The following FLNC variants were observed in gnomAD, a reference collection of about 807,000 sequenced individuals.
FLNC encodes filamin-C.
Under a neutral mutation model 254.3 loss-of-function variants are expected in FLNC, and 91 were observed. The observed-to-expected ratio is 0.36, with a 90% CI of 0.30 to 0.43. The LOEUF is 0.43. Among genes scored for constraint, FLNC ranks in the 20% least tolerant of loss-of-function variants. The probability of loss-of-function intolerance (pLI) is 1.00; values close to 1 mark genes in which losing one functional copy is unlikely to be tolerated. For synonymous variants in FLNC, 1,430 were observed against 1,577.2 expected (o/e 0.91, Z 2.21); for missense variants, 2,853 against 3,802.6 (o/e 0.75, Z 6.57).
Position 128,835,433 on chromosome 7 carries a change from G to A in FLNC, c.460G>A (p.Glu154Lys). ...SMPMWEDEDD[E>K]DARKQTPKQR... is the part of the protein sequence containing the mutation. ...GCCCATGTGGGAGGATGAAGATGAT[G>A]AGGATGCCCGCAAACAGACGCCCAA... The change falls in exon 2 of 48, where the codon GAG becomes AAG. Residue 154 changes from glutamate to lysine, a missense_variant. Around this residue, in one of 10 missense-constraint regions of FLNC, gnomAD observed 115 missense variants for 230.3 expected, o/e 0.50. Transcript: ENST00000325888. This position sits in a 1 kb window ranked among gnomAD's most constrained non-coding sequence, Gnocchi z 5.3. The A allele has an allele frequency of 3.1e-6, 5 of 1,614,128 alleles. No homozygotes were observed. Among genetic ancestry groups the A allele is most frequent in the African/African-American group, 1.3e-5 (1 of 75,048 alleles).
At position 128,854,139 on chromosome 7, in the gene FLNC, C is replaced by T. The variant is rs1236384205; in HGVS notation, c.6650C>T (p.Pro2217Leu). 1.2e-6 allele frequency: 2 copies of T among 1,612,668 alleles called. No individual in the cohort carries two copies. Among genetic ancestry groups the T allele is most frequent in the Admixed American group, 1.7e-5 (1 of 59,998 alleles). ...VEESTQVGGDPFPAVFGDFLG... is the reference protein window; with the variant it reads ...VEESTQVGGDLFPAVFGDFLG... Reference sequence around the variant, plus strand: ...GAGTCCACCCAGGTCGGCGGGGACCCCTTCCCTGCTGTGTTTGGGGACTTC... The same window carrying T: ...GAGTCCACCCAGGTCGGCGGGGACCTCTTCCCTGCTGTGTTTGGGGACTTC... Residue 2217 changes from proline to leucine, a missense_variant, in exon 40 of 48, where the codon CCC becomes CTC. By Grantham distance (98) the Pro-to-Leu change is moderately conservative. Transcript: ENST00000325888.
rs1808047193 is a variant in FLNC, at chr7:128,835,188, G to A, written c.353-138G>A. 8.9e-7 allele frequency: 1 copy of A among 1,128,490 alleles called. No individual in the cohort carries two copies. The highest frequency in any genetic ancestry group is 1.3e-6 in the Non-Finnish European group (1 of 765,766). 69.9% of individuals were successfully genotyped at this position (1,128,490 alleles called of 1,614,324 possible). On this transcript the variant is annotated intron_variant, in intron 1 of 47. Transcript: ENST00000325888. The surrounding 1 kb of genome is among the most constrained non-coding windows in gnomAD (Gnocchi z 5.3). ...GGCATCTGAGTGGGGCCTCGCAGGA[G>A]GGAGAGGGTCAGGTAGGCAGAGACT...
Position 128,838,820 on chromosome 7 carries a change from G to A in FLNC, c.1411+17G>A. The A allele has an allele frequency of 6.2e-7, 1 of 1,609,080 alleles. No homozygotes were observed. Among genetic ancestry groups the A allele is most frequent in the South Asian group, 1.1e-5 (1 of 90,990 alleles). The stretch of plus-strand genomic sequence containing the variant: ...TGTCGGAAGGTAAGGGCCCTTCACT[G>A]CTCCCCACGGTAGCCCTTACCAAAG... On this transcript the variant is annotated intron_variant, in intron 8 of 47. Coordinates refer to ENST00000325888, the MANE Select transcript of FLNC (RefSeq NM_001458.5).
Position 128,848,064 on chromosome 7 carries a change from C to G in FLNC, c.4576C>G (p.Arg1526Gly), listed in dbSNP as rs746275035. The change falls in exon 26 of 48, where the codon CGC (arginine) becomes GGC (glycine). Residue 1526 changes from arginine (R) to glycine (G), a missense_variant. This residue lies in a region of FLNC where 1,573 missense variants were observed against 1,883.5 expected (regional missense o/e 0.84). Coordinates refer to ENST00000325888, the MANE Select transcript of FLNC (RefSeq NM_001458.5). ...CAAGTATGCTGACCAGGAGGTGCCA[C>G]GCAGGTGAGGACCAGCCCTGGGCTC... ...AVKYADQEVPRSPFKIKVLPA... is the reference protein window; with the variant it reads ...AVKYADQEVPGSPFKIKVLPA... 6 of 1,603,228 alleles carry G rather than the reference C, an allele frequency of 3.7e-6. No individual in the cohort carries two copies. Among genetic ancestry groups the G allele is most frequent in the East Asian group, 2.3e-5 (1 of 44,232 alleles).
At chr7:128,848,762 A>G (rs375695827) in intron 27 of FLNC, 31 bp from the exon 28 acceptor site, 183 of 1,614,016 alleles carry the variant, frequency 1.1e-4, no homozygotes, top group Non-Finnish European at 1.5e-4. Context: ...CTCCAGGCAC[A>G]GGCGGGCCTT....
rs754776339 is a variant in FLNC, at chr7:128,838,809, G to C, written c.1411+6G>C. The stretch of plus-strand genomic sequence containing the variant: ...CCCTGTCCATGTGTCGGAAGGTAAG[G>C]GCCCTTCACTGCTCCCCACGGTAGC... On this transcript the variant is annotated splice_donor_region_variant and intron_variant, in intron 8 of 47. Transcript: ENST00000325888. 1 of 1,612,026 alleles carries C rather than the reference G, an allele frequency of 6.2e-7. No individual in the cohort carries two copies. Among genetic ancestry groups the C allele is most frequent in the Non-Finnish European group, 8.5e-7 (1 of 1,179,436 alleles).
At chr7:128,853,313 C>T (rs774260343) in intron 37 of FLNC, 156 bp from the exon 38 acceptor site, 180 of 912,700 alleles carry the variant, frequency 2.0e-4, no homozygotes, top group Non-Finnish European at 2.9e-4. Context: ...CCGCCTGTCC[C>T]GTGGTGCCCC....
chr7:128,838,064 G>A lies in FLNC; in HGVS notation c.1047G>A (p.Lys349=). The A allele has an allele frequency of 6.2e-7, 1 of 1,612,808 alleles. No homozygotes were observed. Among genetic ancestry groups the A allele is most frequent in the Non-Finnish European group, 8.5e-7 (1 of 1,178,986 alleles). The change falls in exon 6 of 48, where the codon AAG becomes AAA. Residue 349 remains lysine (K), a splice_region_variant and synonymous_variant. Transcript: ENST00000325888. ...TGCCCAAGGTCGCTGGGTTACACAA[G>A]GTATCTCCCTCTAGGCCCCCCTGCC... The part of the protein sequence containing the change: ...SYVPKVAGLH[K]VTVLFAGQNI...
chr7:128,830,519 T>G lies in FLNC; in HGVS notation c.-119T>G. ...CCCGCCAGCCCCGGCGCGAGAGAAG[T>G]TGGAGAGGAGAGCAGCGCAGCGCAG... On this transcript the variant is annotated 5_prime_UTR_variant, in exon 1 of 48. Coordinates refer to ENST00000325888, the MANE Select transcript of FLNC (RefSeq NM_001458.5). The G allele has an allele frequency of 1.2e-6, 1 of 848,490 alleles. No individual in the cohort carries two copies. The highest frequency in any genetic ancestry group is 1.9e-6 in the Non-Finnish European group (1 of 540,278). 52.6% of individuals were successfully genotyped at this position (848,490 alleles called of 1,614,324 possible).
chr7:128,851,555 T>C lies in FLNC; in HGVS notation c.5769T>C (p.Pro1923=). ...CCGTGTCCTATCTGCCGACTGCGCC[T>C]GGAGACTACAGCATCATCGTGCGCT... ...TCTVSYLPTA[P]GDYSIIVRFD... is the part of the protein sequence containing the mutation. The change falls in exon 35 of 48, where the codon CCT becomes CCC. Residue 1923 remains proline (P), a synonymous_variant. Transcript: ENST00000325888. 1 of 1,614,004 alleles carries C rather than the reference T, an allele frequency of 6.2e-7. No individual in the cohort carries two copies. Among genetic ancestry groups the C allele is most frequent in the East Asian group, 2.2e-5 (1 of 44,876 alleles).
At chr7:128,844,352 C>T in intron 20 of FLNC, 86 bp downstream of exon 20, 1 of 1,461,290 alleles carries the variant, frequency 6.8e-7, no homozygotes, top group Admixed American at 2.2e-5. Flanking sequence ...GCCAGAGGGA[C>T]TTATGTGCCT....
At chr7:128,855,170 A>G in intron 42 of FLNC, 29 bp from the exon 43 acceptor site, 1 of 1,502,484 alleles carries the variant, frequency 6.7e-7, no homozygotes, top group Non-Finnish European at 9.3e-7. Flanking sequence ...TCCATCCCGG[A>G]ACCTGTGCTG....
In FLNC at chr7:128,849,976, G is replaced by T; in HGVS notation, c.5200G>T (p.Ala1734Ser). 6.3e-7 allele frequency: 1 copy of T among 1,586,744 alleles called. No homozygotes were observed. Among genetic ancestry groups the T allele is most frequent in the East Asian group, 2.3e-5 (1 of 44,172 alleles). The part of the protein sequence containing the change: ...HIPNSPFHVL[A>S]CDPLPHEEEP... ...GTGCCCCCGTGCCTTGCCTCCCCAG[G>T]CGTGTGACCCCCTGCCGCACGAGGA... The change falls in exon 31 of 48, where the codon GCG becomes TCG. Residue 1734 changes from alanine to serine, a missense_variant and splice_region_variant. Physicochemically the swap from Ala to Ser is moderately conservative, Grantham distance 99. Transcript: ENST00000325888.
rs2291564 is a variant in FLNC, at chr7:128,840,737, C to T, written c.1676+63C>T. 6.6e-6 allele frequency: 10 copies of T among 1,516,432 alleles called. No homozygotes were observed. The African/African-American group carries it at 1.1e-4, about 17-fold the overall frequency. 93.9% of individuals were successfully genotyped at this position (1,516,432 alleles called of 1,614,324 possible). A position where few individuals can be genotyped will look rare whatever the true frequency, so the allele number is the denominator to read the frequency against. On this transcript the variant is annotated intron_variant, in intron 10 of 47. Transcript: ENST00000325888. ...CCATCACAGGGAGGGACGAGGGGCA[C>T]TGGGCTGCGAGGGAGTTTGAGGGGA...
Position 128,844,862 on chromosome 7 carries a change from A to T in FLNC, c.3397A>T (p.Ile1133Phe). The part of the protein sequence containing the change: ...PTEPGEYTIN[I>F]LFAEAHIPGS... ...GGAGCCTGGCGAGTACACCATCAAC[A>T]TCCTGTTTGCTGAGGCCCACATCCC... Residue 1133 changes from isoleucine (I) to phenylalanine (F), a missense_variant, in exon 21 of 48, where the codon ATC (isoleucine) becomes TTC (phenylalanine). Around this residue, in one of 10 missense-constraint regions of FLNC, gnomAD observed 1,573 missense variants for 1,883.5 expected, o/e 0.84. Transcript: ENST00000325888. 1 of 1,614,052 alleles carries T rather than the reference A, an allele frequency of 6.2e-7. No individual in the cohort carries two copies. Among genetic ancestry groups the T allele is most frequent in the Non-Finnish European group, 8.5e-7 (1 of 1,180,032 alleles).
At position 128,847,782 on chromosome 7, in the gene FLNC, G is replaced by T; in HGVS notation, c.4374G>T (p.Arg1458Ser). The T allele has an allele frequency of 6.2e-7, 1 of 1,613,758 alleles. No individual in the cohort carries two copies. The highest frequency in any genetic ancestry group is 8.5e-7 in the Non-Finnish European group (1 of 1,179,752). Reference protein sequence around the residue: ...CSGPGLGAGVRARVPQTFTVD... With the variant: ...CSGPGLGAGVSARVPQTFTVD... ...GGCCAGGGCTGGGGGCTGGTGTCAG[G>T]GCCCGGGTTCCTCAGACCTTCACAG... Residue 1458 changes from arginine to serine, a missense_variant, in exon 25 of 48, where the codon AGG becomes AGT. Arg to Ser is a moderately radical substitution (Grantham distance 110). Coordinates refer to ENST00000325888, the MANE Select transcript of FLNC (RefSeq NM_001458.5).
At chr7:128,843,753 C>T (rs761683229) in intron 18 of FLNC, 43 bp from the exon 19 acceptor site, 1 of 1,574,182 alleles carries the variant, frequency 6.4e-7, no homozygotes, top group Admixed American at 1.7e-5. Context: ...TGTTGTAGGA[C>T]CTTGCCTTAT....
At chr7:128,843,035 G>A in intron 16 of FLNC, 81 bp downstream of exon 16, 3 of 1,545,636 alleles carry the variant, frequency 1.9e-6, no homozygotes, top group Non-Finnish European at 2.7e-6. Flanking sequence ...ACTGGGAACA[G>A]GGAGGGATGA....
In FLNC at chr7:128,854,580, G is replaced by A. The variant is rs756870838; in HGVS notation, c.6895G>A (p.Gly2299Ser). Residue 2299 changes from glycine to serine, a missense_variant, in exon 41 of 48, where the codon GGC (glycine) becomes AGC (serine). This residue lies in a region of FLNC where 551 missense variants were observed against 835.0 expected (regional missense o/e 0.66). Transcript: ENST00000325888. Reference sequence around the variant, plus strand: ...CAAGTACCGTGGCCAGCACGTGCCCGGCAGCCCCTTTCAGTTCACTGTGGG... The same window carrying A: ...CAAGTACCGTGGCCAGCACGTGCCCAGCAGCCCCTTTCAGTTCACTGTGGG... ...AVKYRGQHVP[G>S]SPFQFTVGPL... 5.6e-6 allele frequency: 9 copies of A among 1,609,414 alleles called. No individual in the cohort carries two copies. Among genetic ancestry groups the A allele is most frequent in the African/African-American group, 1.3e-5 (1 of 74,894 alleles).
Sources: allele counts gnomAD v4.1 joint callset, GRCh38; gene constraint gnomAD v4.1.1; regional missense constraint gnomAD v4.1.1; non-coding constraint Gnocchi (gnomAD v3.1); transcripts MANE v1.5; gene names NCBI Gene and HGNC (gene_info 2026-07-23, HGNC 2026-07-21).